Variants in COL21A1 observed in about 807,000 individuals in gnomAD.
COL21A1 encodes collagen type XXI alpha 1 chain, also known as collagen alpha-1(XXI) chain.
COL21A1 carries 149 observed loss-of-function variants against 137.9 expected under a neutral mutation model. The observed-to-expected ratio is 1.08, with a 90% CI of 0.95 to 1.24. The LOEUF is 1.24. Ranked by LOEUF, COL21A1 falls within the 50% of genes most tolerant of loss-of-function variation. The probability of loss-of-function intolerance (pLI) is 0.00; values close to 1 mark genes in which losing one functional copy is unlikely to be tolerated. For synonymous variants in COL21A1, 456 were observed against 391.5 expected (o/e 1.16, Z -1.95); for missense variants, 1,167 against 1,158.4 (o/e 1.01, Z -0.11).
intron 2 of COL21A1, among the ~76,000 whole-genome samples, chr6:56,180,826 A>G (rs1282629287): frequency 6.6e-6 from 1 of 152,318 alleles, no homozygotes; most frequent in East Asian, 1.9e-4. Context: ...GAAGAAGACA[A>G]ATATAGCTGT....
chr6:56,241,944 T>C lies in COL21A1; in HGVS notation c.-39+5443A>G, dbSNP rs530245849. Among the ~76,000 whole-genome samples, 4 of 152,296 alleles carry C rather than the reference T, an allele frequency of 2.6e-5. No individual in the cohort carries two copies. In the East Asian group the frequency reaches 7.7e-4, roughly 29 times the overall value. On this transcript the variant is annotated intron_variant, in intron 1 of 29. Transcript: ENST00000244728. ...AACAGCAGATTGGCTATTAATAGACTCTCTGAAACAGACTTTAGCAACTTT... is the reference window on the plus strand; with the variant it reads ...AACAGCAGATTGGCTATTAATAGACCCTCTGAAACAGACTTTAGCAACTTT...
intron 1 of COL21A1, among the ~76,000 whole-genome samples, chr6:56,361,849 T>C (rs1765978459): frequency 6.6e-6 from 1 of 152,142 alleles, no homozygotes; most frequent in Non-Finnish European, 1.5e-5. Flanking sequence ...TAAGTAGCAT[T>C]TCTACTGAAG....
intron 17 of COL21A1, among the ~76,000 whole-genome samples, chr6:56,100,658 C>A (rs4295483): frequency 0.15 from 22,558 of 151,958 alleles, 1,708 homozygotes; most frequent in Middle Eastern, 0.22. Flanking sequence ...AAGGTAATAG[C>A]ATTATATAGA....
chr6:56,112,386 A>G lies in COL21A1; in HGVS notation c.1759-10861T>C, dbSNP rs189795424. The stretch of plus-strand genomic sequence containing the variant: ...CCAAGTTAACAATTATCTACAAAGA[A>G]AAAACACTTTCAAAGAACCAAAAAT... On this transcript the variant is annotated intron_variant, in intron 16 of 29. Coordinates refer to ENST00000244728, the MANE Select transcript of COL21A1 (RefSeq NM_030820.4). Among the ~76,000 whole-genome samples, 250 of 152,310 alleles carry G rather than the reference A, an allele frequency of 1.6e-3. 2 individuals are homozygous for G. The highest frequency in any genetic ancestry group is 5.7e-3 in the African/African-American group (238 of 41,564).
chr6:56,261,837 C>T (rs943944699), intron 1 of COL21A1, among the ~76,000 whole-genome samples: 2 of 152,262 alleles, frequency 1.3e-5, no homozygotes, highest in Admixed American at 6.5e-5. Flanking sequence ...GTGGTGGGAG[C>T]TTTACCATGT....
In COL21A1 at chr6:56,060,768, G is replaced by A. The variant is rs377112827; in HGVS notation, c.2380C>T (p.Arg794Ter). 1.8e-5 allele frequency: 29 copies of A among 1,609,400 alleles called. No individual in the cohort carries two copies. The highest frequency in any genetic ancestry group is 1.1e-4 in the East Asian group (5 of 44,740). The change falls in exon 27 of 30, where the codon CGA (arginine) becomes TGA (stop). Residue 794 changes from arginine (R) to a stop codon, truncating the protein, a stop_gained. Coordinates refer to ENST00000244728, the MANE Select transcript of COL21A1 (RefSeq NM_030820.4). LOFTEE classifies it high-confidence loss of function. ...PGREFSEQFI[R>*]QVCTDVIRAQ... ...CTTATTACATCTGTGCAAACTTGTC[G>A]AATAAATTGTTCTGAAAACTCTCTT... is the stretch of plus-strand genomic sequence containing the variant.
At chr6:56,255,749 C>G (rs1168643482) in intron 1 of COL21A1, among the ~76,000 whole-genome samples, 2 of 152,184 alleles carry the variant, frequency 1.3e-5, no homozygotes, top group African/African-American at 4.8e-5. Context: ...TGGCTTCACC[C>G]TCAATGCTTC....
intron 1 of COL21A1, among the ~76,000 whole-genome samples, chr6:56,379,528 T>G (rs1033034628): frequency 6.6e-6 from 1 of 152,084 alleles, no homozygotes; most frequent in Non-Finnish European, 1.5e-5. Context: ...AAGATATAGA[T>G]GAATATAGAG....
At chr6:56,294,172 T>C (rs985118949) in intron 1 of COL21A1, among the ~76,000 whole-genome samples, 4 of 152,134 alleles carry the variant, frequency 2.6e-5, no homozygotes, top group Admixed American at 1.3e-4. Flanking sequence ...ATATTTTGAC[T>C]CTGAATCAAA....
At position 56,057,586 on chromosome 6, in the gene COL21A1, G is replaced by T; in HGVS notation, c.*71C>A. 1 of 1,439,308 alleles carries T rather than the reference G, an allele frequency of 6.9e-7. No homozygotes were observed. 89.2% of individuals were successfully genotyped at this position (1,439,308 alleles called of 1,614,324 possible). A position where few individuals can be genotyped will look rare whatever the true frequency, so the allele number is the denominator to read the frequency against. On this transcript the variant is annotated 3_prime_UTR_variant, in exon 30 of 30. Transcript: ENST00000244728. ...GTTTCTTTTCAAGGGATTACTGTTG[G>T]TTATCTTCCTGAGATGCAAAAGACC... is the stretch of plus-strand genomic sequence containing the variant.
rs531156252 is a variant in COL21A1 at position 56,320,512 on chromosome 6, A to G, written c.-39+73459T>C. On this transcript the variant is annotated intron_variant, in intron 1 of 28. Coordinates refer to the COL21A1 transcript ENST00000370819. ...TATGATAACCCCCAAGGTCCTACAC[A>G]ATCTGAACACACACACACACACACA... Among the ~76,000 whole-genome samples, 8 of 93,722 alleles carry G rather than the reference A, an allele frequency of 8.5e-5. 1 individual carries two copies. In the South Asian group the frequency reaches 3.4e-3, roughly 40 times the overall value. The allele number at this position is 93,722 out of a possible 152,430, so 61.5% of individuals were successfully genotyped here. A position where few individuals can be genotyped will look rare whatever the true frequency, so the allele number is the denominator to read the frequency against.
chr6:56,235,585 A>G (rs1055920026), intron 1 of COL21A1, among the ~76,000 whole-genome samples: 8 of 151,996 alleles, frequency 5.3e-5, no homozygotes, highest in Non-Finnish European at 1.2e-4. Context: ...TGATAGTTCA[A>G]AAATGAAAAT....
intron 10 of COL21A1, among the ~76,000 whole-genome samples, chr6:56,155,717 T>C (rs1277783064): frequency 6.6e-6 from 1 of 152,182 alleles, no homozygotes; most frequent in Non-Finnish European, 1.5e-5. Context: ...TGCCTCAGCC[T>C]CTTAAGTAGC....
chr6:56,060,495 A>C (rs950476249), intron 27 of COL21A1: 4 of 477,376 alleles, frequency 8.4e-6, no homozygotes, highest in Non-Finnish European at 1.4e-5. Flanking sequence ...CTAAATTATC[A>C]AAAAATATGC....
At position 56,325,402 on chromosome 6, in the gene COL21A1, A is replaced by C. The variant is rs1172110387; in HGVS notation, c.-39+68569T>G. Among the ~76,000 whole-genome samples the C allele has an allele frequency of 5.9e-3, 2 of 338 alleles. 1 individual carries two copies. The highest frequency in any genetic ancestry group is 6.3e-3 in the African/African-American group (2 of 316). 0.2% of individuals were successfully genotyped at this position (338 alleles called of 152,430 possible). ...TTATAATATATTATATATTATATAT[A>C]TTATATATATTATATATTATATATT... On this transcript the variant is annotated intron_variant, in intron 1 of 28. Coordinates refer to the COL21A1 transcript ENST00000370819.
intron 1 of COL21A1, among the ~76,000 whole-genome samples, chr6:56,234,701 G>T (rs1479182100): frequency 6.6e-6 from 1 of 151,446 alleles, no homozygotes; most frequent in Non-Finnish European, 1.5e-5. Context: ...CAATTCAATA[G>T]CTCCCTCACC....
chr6:56,162,524 T>A (rs2152265780), intron 9 of COL21A1, among the ~76,000 whole-genome samples: 1 of 152,210 alleles, frequency 6.6e-6, no homozygotes, highest in South Asian at 2.1e-4. Context: ...CTACAAGACA[T>A]CTATTGGACC....
chr6:56,219,096 C>A (rs1780660501), intron 1 of COL21A1, among the ~76,000 whole-genome samples: 1 of 151,460 alleles, frequency 6.6e-6, no homozygotes, highest in Non-Finnish European at 1.5e-5. Context: ...TGAACCAGTT[C>A]TCGATCAAAC....
intron 16 of COL21A1, among the ~76,000 whole-genome samples, chr6:56,118,815 ATGAC>A (rs1488563306): frequency 2.6e-5 from 4 of 152,124 alleles, no homozygotes; most frequent in African/African-American, 9.6e-5. Flanking sequence ...TATAAACAGA[ATGAC>A]AGATAACCAT....
Sources: gnomAD v4.1 joint callset for allele counts (sites outside exome capture counted in the v4.1 genomes callset) on GRCh38, gnomAD v4.1.1 for gene constraint, MANE v1.5 for transcripts, NCBI Gene and HGNC (gene_info 2026-07-23, HGNC 2026-07-21) for gene names.